The following BRI3BP variants were observed in gnomAD, a reference collection of about 807,000 sequenced individuals.
BRI3BP encodes BRI3 binding protein, also known as BRI3-binding protein.
A neutral mutation model predicts 15.8 loss-of-function variants in BRI3BP; 7 were observed. That is an observed-to-expected ratio of 0.44 (90% CI 0.25 to 0.83). BRI3BP has a LOEUF of 0.83. Ranked by LOEUF, BRI3BP falls within the 40% of genes least tolerant of loss-of-function variation. BRI3BP has a pLI of 0.20. For missense variants in BRI3BP, 320 were observed against 339.3 expected (o/e 0.94, Z 0.45); for synonymous variants, 192 against 163.5 (o/e 1.17, Z -1.33).
intron 1 of BRI3BP, among the ~76,000 whole-genome samples, chr12:125,003,911 C>T (rs1487934181): frequency 6.6e-6 from 1 of 151,676 alleles, no homozygotes; most frequent in Non-Finnish European, 1.5e-5. Context: ...CAAGATTGCA[C>T]CACTGCACTC....
At chr12:125,046,697 C>CTT in the BRI3BP span, among the ~76,000 whole-genome samples, 1 of 152,202 alleles carries the variant, frequency 6.6e-6, no homozygotes. Context: ...GAGTTATATG[C>CTT]TTATAGTATC....
At chr12:125,036,213 C>CCGTG (rs1955439456), downstream of BRI3BP, among the ~76,000 whole-genome samples, 9 of 28,834 alleles carry the variant, frequency 3.1e-4, no homozygotes, top group Non-Finnish European at 5.7e-4. Flanking sequence ...TACAGACACA[C>CCGTG]ACCACTACAC....
At chr12:125,022,541 A>ATTTATTTATTTATTTTTTTTTTTTTTTT in intron 2 of BRI3BP, among the ~76,000 whole-genome samples, 1 of 139,404 alleles carries the variant, frequency 7.2e-6, no homozygotes, top group African/African-American at 2.9e-5. Context: ...TTATTTATTT[A>ATTTATTTATTTATTTTTTTTTTTTTTTT]TTTTTTGAGA....
At chr12:125,039,753 G>A in the BRI3BP span, among the ~76,000 whole-genome samples, 1 of 152,034 alleles carries the variant, frequency 6.6e-6, no homozygotes, top group Non-Finnish European at 1.5e-5. Flanking sequence ...AAGGTGTGTA[G>A]TTCTCAAAGT....
chr12:125,006,471 T>G (rs538269333), intron 1 of BRI3BP, among the ~76,000 whole-genome samples: 1 of 152,308 alleles, frequency 6.6e-6, no homozygotes, highest in Non-Finnish European at 1.5e-5. Context: ...ACACCTTTCT[T>G]AGCACTGCTA....
chr12:125,050,718 T>C, the BRI3BP span, among the ~76,000 whole-genome samples: 1 of 152,202 alleles, frequency 6.6e-6, no homozygotes, highest in Non-Finnish European at 1.5e-5. Flanking sequence ...AATGGGGTGA[T>C]GGAGTGGAGA....
chr12:125,005,101 G>A (rs1955130000), intron 1 of BRI3BP, among the ~76,000 whole-genome samples: 1 of 152,108 alleles, frequency 6.6e-6, no homozygotes, highest in Non-Finnish European at 1.5e-5. Context: ...GCCTGCCATG[G>A]CCTCCCAAAA....
the BRI3BP span, among the ~76,000 whole-genome samples, chr12:125,040,534 G>T: frequency 4.6e-5 from 7 of 150,626 alleles, no homozygotes; most frequent in African/African-American, 1.5e-4. Context: ...AGTAGAGACC[G>T]GTTTCTCCAT....
downstream of BRI3BP, among the ~76,000 whole-genome samples, chr12:125,031,574 A>ATTTTTTTTT (rs367625363): frequency 2.3e-4 from 19 of 84,202 alleles, 1 homozygote; most frequent in African/African-American, 7.7e-4. Context: ...TTTTCTTTCT[A>ATTTTTTTTT]TTTTTTTTTT....
At chr12:125,007,484 G>A (rs939058504) in intron 1 of BRI3BP, among the ~76,000 whole-genome samples, 3 of 152,174 alleles carry the variant, frequency 2.0e-5, no homozygotes, top group Non-Finnish European at 4.4e-5. Flanking sequence ...GGGATGGGGA[G>A]GTTGCAGTGA....
At chr12:125,043,728 G>A in the BRI3BP span, among the ~76,000 whole-genome samples, 4 of 152,110 alleles carry the variant, frequency 2.6e-5, no homozygotes, top group Non-Finnish European at 5.9e-5. Context: ...GTGGTTGTGC[G>A]TGTCTGTAAT....
intron 1 of BRI3BP, among the ~76,000 whole-genome samples, chr12:125,007,230 C>T (rs1474756916): frequency 6.6e-6 from 1 of 151,906 alleles, no homozygotes; most frequent in African/African-American, 2.4e-5. Flanking sequence ...CATGTATTGA[C>T]AAACATGTAC....
chr12:125,003,944 C>T (rs948625813), intron 1 of BRI3BP, among the ~76,000 whole-genome samples: 15 of 145,866 alleles, frequency 1.0e-4, no homozygotes, highest in Non-Finnish European at 1.8e-4. Flanking sequence ...CAGAGCGAGA[C>T]TCCATCTCAA....
chr12:125,038,844 C>T, the BRI3BP span, among the ~76,000 whole-genome samples: 7 of 152,138 alleles, frequency 4.6e-5, no homozygotes, highest in South Asian at 1.2e-3. Context: ...AATCCCAGCA[C>T]TTTGGGAGGC....
At chr12:124,999,026 T>C (rs915568564) in intron 1 of BRI3BP, among the ~76,000 whole-genome samples, 3 of 152,128 alleles carry the variant, frequency 2.0e-5, no homozygotes, top group African/African-American at 7.2e-5. Flanking sequence ...TACAGTGAGC[T>C]GTGATCACAC....
chr12:125,050,467 C>T, the BRI3BP span, among the ~76,000 whole-genome samples: 2 of 152,056 alleles, frequency 1.3e-5, no homozygotes, highest in African/African-American at 4.8e-5. Flanking sequence ...GCTTAAAGTG[C>T]CCAAAATGTC....
chr12:124,997,708 C>T (rs1170402294), intron 1 of BRI3BP, among the ~76,000 whole-genome samples: 1 of 152,062 alleles, frequency 6.6e-6, no homozygotes, highest in Admixed American at 6.6e-5. Context: ...TTAAGTGATG[C>T]CCTGGCATGG....
intron 2 of BRI3BP, 107 bp from the exon 3 acceptor site, chr12:125,024,884 C>G (rs986633891): frequency 4.1e-6 from 4 of 973,438 alleles, no homozygotes; most frequent in African/African-American, 1.6e-5. Flanking sequence ...TTGGTTGTTG[C>G]AAAGGCCTTT....
downstream of BRI3BP, among the ~76,000 whole-genome samples, chr12:125,032,467 C>CA (rs375864182): frequency 1.6e-4 from 24 of 150,390 alleles, no homozygotes; most frequent in African/African-American, 5.6e-4. Context: ...GAAAAACAAA[C>CA]AAAAAAAATT....
Sources: gnomAD v4.1 joint callset for allele counts (sites outside exome capture counted in the v4.1 genomes callset) on GRCh38, gnomAD v4.1.1 for gene constraint, MANE v1.5 for transcripts, NCBI Gene and HGNC (gene_info 2026-07-23, HGNC 2026-07-21) for gene names.